GRID1: variants seen among roughly 807,000 people sequenced by gnomAD.
GRID1 encodes glutamate ionotropic receptor delta type subunit 1.
In GRID1, 28 loss-of-function variants were observed where a neutral mutation model predicts 98.0. That is an observed-to-expected ratio of 0.29 (90% CI 0.21 to 0.39). The LOEUF (loss-of-function observed/expected upper bound fraction) is 0.39, where lower values mean the gene tolerates loss of function less well. GRID1 is among the 10% of genes least tolerant of loss of function. The pLI, the probability that GRID1 is intolerant of heterozygous loss-of-function variation, is 1.00. For synonymous variants in GRID1, 553 were observed against 538.5 expected, an observed-to-expected ratio of 1.03 and a Z score of -0.37; for missense variants, 1,111 against 1,340.5, an observed-to-expected ratio of 0.83 and a Z score of 2.67.
chr10:85,663,090 T>G (rs1488083186), intron 12 of GRID1, among the ~76,000 whole-genome samples: 1 of 152,168 alleles, frequency 6.6e-6, no homozygotes, highest in African/African-American at 2.4e-5. Context: ...TTCAAAATTC[T>G]GTTCAAGACA....
At chr10:86,056,853 G>T (rs566557203) in intron 4 of GRID1, among the ~76,000 whole-genome samples, 2 of 152,348 alleles carry the variant, frequency 1.3e-5, no homozygotes, top group East Asian at 1.9e-4. Context: ...GCAATCAGGA[G>T]CCCCTAGGGC....
chr10:86,196,966 C>T (rs1845883255), intron 3 of GRID1, among the ~76,000 whole-genome samples: 1 of 152,094 alleles, frequency 6.6e-6, no homozygotes, highest in Non-Finnish European at 1.5e-5. Context: ...CACTCATTCA[C>T]TCATCAAATA....
intron 13 of GRID1, among the ~76,000 whole-genome samples, chr10:85,631,052 T>C (rs750557663): frequency 6.6e-6 from 1 of 152,238 alleles, no homozygotes; most frequent in South Asian, 2.1e-4. Context: ...AAAAGAACTC[T>C]ACTTTATGCT....
At chr10:85,937,841 G>T (rs1489480855) in intron 4 of GRID1, among the ~76,000 whole-genome samples, 1 of 152,194 alleles carries the variant, frequency 6.6e-6, no homozygotes, top group African/African-American at 2.4e-5. Context: ...CCACAAAGAA[G>T]TGCCCAGCCC....
chr10:86,279,341 C>T (rs768335269), intron 2 of GRID1, among the ~76,000 whole-genome samples: 31 of 152,202 alleles, frequency 2.0e-4, no homozygotes, highest in South Asian at 6.2e-4. Flanking sequence ...GCCTTATAAA[C>T]GAAGATAACC....
chr10:86,070,426 C>T (rs1233200485), intron 4 of GRID1, among the ~76,000 whole-genome samples: 1 of 152,190 alleles, frequency 6.6e-6, no homozygotes, highest in African/African-American at 2.4e-5. Flanking sequence ...TTCTTCCTGG[C>T]ATAAATTAAG....
intron 2 of GRID1, among the ~76,000 whole-genome samples, chr10:86,284,067 C>T (rs1248003587): frequency 6.6e-6 from 1 of 150,722 alleles, no homozygotes; most frequent in East Asian, 2.0e-4. Flanking sequence ...CATATACATA[C>T]CTGCCCTCAC....
chr10:85,742,063 C>A (rs1481334931), intron 8 of GRID1, among the ~76,000 whole-genome samples: 1 of 152,168 alleles, frequency 6.6e-6, no homozygotes, highest in East Asian at 1.9e-4. Flanking sequence ...TTGCTATTTT[C>A]TTCATACTTC....
At chr10:86,308,818 G>A (rs868326189) in intron 2 of GRID1, among the ~76,000 whole-genome samples, 4 of 152,120 alleles carry the variant, frequency 2.6e-5, no homozygotes, top group African/African-American at 7.2e-5. Context: ...GAGAGAGCAC[G>A]AGAGGGCCTA....
At chr10:85,853,935 C>T (rs1271785053) in intron 8 of GRID1, among the ~76,000 whole-genome samples, 2 of 152,210 alleles carry the variant, frequency 1.3e-5, no homozygotes, top group East Asian at 3.9e-4. Flanking sequence ...CCCAGGCTGC[C>T]ACCTGCACCA....
chr10:85,914,239 G>A (rs1008883788), intron 5 of GRID1, among the ~76,000 whole-genome samples: 5 of 152,172 alleles, frequency 3.3e-5, no homozygotes, highest in Admixed American at 2.6e-4. Flanking sequence ...AGAAAGAAAA[G>A]AAAACAGGTT....
intron 2 of GRID1, among the ~76,000 whole-genome samples, chr10:86,294,012 T>C (rs1001266409): frequency 5.9e-5 from 9 of 152,134 alleles, no homozygotes; most frequent in Non-Finnish European, 1.0e-4. Context: ...GAGTGGATGA[T>C]AGAGTATATT....
At chr10:85,973,333 C>T (rs1034901838) in intron 4 of GRID1, among the ~76,000 whole-genome samples, 3 of 151,866 alleles carry the variant, frequency 2.0e-5, no homozygotes, top group African/African-American at 7.3e-5. Context: ...TAGAGTGTTA[C>T]CTGAAAAATC....
At chr10:85,709,162 GC>G in intron 12 of GRID1, 1 of 322,144 alleles carries the variant, frequency 3.1e-6, no homozygotes. Context: ...CTTGGAAAAG[GC>G]CCACCGAGGC....
intron 8 of GRID1, among the ~76,000 whole-genome samples, chr10:85,790,405 G>A (rs1033124990): frequency 6.6e-6 from 1 of 152,244 alleles, no homozygotes; most frequent in Non-Finnish European, 1.5e-5. Context: ...TCAGGCCTTG[G>A]GAAAGGGAAA....
intron 12 of GRID1, among the ~76,000 whole-genome samples, chr10:85,661,299 T>A (rs2132570208): frequency 6.6e-6 from 1 of 152,266 alleles, no homozygotes; most frequent in East Asian, 1.9e-4. Context: ...CTGGACAAGA[T>A]GATCCGTCAG....
intron 4 of GRID1, among the ~76,000 whole-genome samples, chr10:86,005,598 G>C (rs769029695): frequency 5.3e-5 from 8 of 152,232 alleles, no homozygotes; most frequent in Admixed American, 3.9e-4. Flanking sequence ...GATGAGATAA[G>C]GGATCCCACA....
chr10:85,940,993 G>T (rs1841991336), intron 4 of GRID1, among the ~76,000 whole-genome samples: 1 of 152,176 alleles, frequency 6.6e-6, no homozygotes, highest in Non-Finnish European at 1.5e-5. Context: ...CTTGGGGAAG[G>T]CCAGATCACA....
intron 4 of GRID1, among the ~76,000 whole-genome samples, chr10:86,019,253 G>T (rs750616726): frequency 1.3e-5 from 2 of 152,338 alleles, no homozygotes; most frequent in East Asian, 3.9e-4. Flanking sequence ...CATCCCCAGC[G>T]CTGACAATGC....
Sources: allele counts gnomAD v4.1 joint callset (sites outside exome capture counted in the v4.1 genomes callset), GRCh38; gene constraint gnomAD v4.1.1; transcripts MANE v1.5; gene names NCBI Gene and HGNC (gene_info 2026-07-23, HGNC 2026-07-21).